Variants in NEK1 observed in about 807,000 individuals in gnomAD.
The protein encoded by NEK1 is NIMA related kinase 1.
In NEK1, 137 loss-of-function variants were observed where a neutral mutation model predicts 182.1. That is an observed-to-expected ratio of 0.75 (90% CI 0.65 to 0.87). The LOEUF (loss-of-function observed/expected upper bound fraction) is 0.87, where lower values mean the gene tolerates loss of function less well. NEK1 is among the 40% of genes least tolerant of loss of function. The pLI, the probability that NEK1 is intolerant of heterozygous loss-of-function variation, is 0.00. For synonymous variants in NEK1, 513 were observed against 492.2 expected (o/e 1.04, Z -0.56); for missense variants, 1,391 against 1,494.4 (o/e 0.93, Z 1.14).
chr4:169,511,430 T>C (rs58923246), intron 19 of NEK1, among the ~76,000 whole-genome samples: 10,850 of 152,158 alleles, frequency 0.071, 1,266 homozygotes, highest in African/African-American at 0.25. Flanking sequence ...AGTATTGCTA[T>C]AGATGATAAC....
chr4:169,480,761 A>C (rs1747845297), intron 23 of NEK1, among the ~76,000 whole-genome samples: 1 of 152,166 alleles, frequency 6.6e-6, no homozygotes, highest in South Asian at 2.1e-4. Flanking sequence ...TATTATTTAA[A>C]TAAAGATGAG....
chr4:169,397,932 C>T (rs977981564), intron 35 of NEK1, among the ~76,000 whole-genome samples: 1 of 152,140 alleles, frequency 6.6e-6, no homozygotes, highest in Non-Finnish European at 1.5e-5. Flanking sequence ...TGAAACAATA[C>T]TTAAGGAGAA....
intron 32 of NEK1, among the ~76,000 whole-genome samples, chr4:169,404,469 A>T (rs1001982066): frequency 6.6e-6 from 1 of 152,216 alleles, no homozygotes; most frequent in Non-Finnish European, 1.5e-5. Context: ...GATCCTACGT[A>T]ACTCAATACA....
At chr4:169,505,234 GAAC>G (rs1193081233) in intron 23 of NEK1, among the ~76,000 whole-genome samples, 1 of 151,002 alleles carries the variant, frequency 6.6e-6, no homozygotes, top group African/African-American at 2.4e-5. Flanking sequence ...GTTAATCCTT[GAAC>G]AACACAGGTT....
At chr4:169,499,386 CCTT>C (rs2149659094) in intron 23 of NEK1, among the ~76,000 whole-genome samples, 1 of 152,278 alleles carries the variant, frequency 6.6e-6, no homozygotes, top group Admixed American at 6.5e-5. Flanking sequence ...TCATCTGAAG[CCTT>C]CTTCTCTCAA....
chr4:169,489,500 A>G (rs1749667604), intron 23 of NEK1, among the ~76,000 whole-genome samples: 1 of 152,164 alleles, frequency 6.6e-6, no homozygotes, highest in Non-Finnish European at 1.5e-5. Context: ...GTATGGCCAT[A>G]TACAGAAGGG....
At chr4:169,539,708 G>A (rs1295360731) in intron 18 of NEK1, among the ~76,000 whole-genome samples, 1 of 152,154 alleles carries the variant, frequency 6.6e-6, no homozygotes, top group Admixed American at 6.5e-5. Context: ...ATGATGCTCA[G>A]ACATGTCATC....
At chr4:169,448,451 C>T (rs569601762) in intron 27 of NEK1, among the ~76,000 whole-genome samples, 30 of 151,262 alleles carry the variant, frequency 2.0e-4, no homozygotes, top group East Asian at 5.8e-4. Flanking sequence ...ACAACAGATA[C>T]GCAAAAAAAT....
intron 27 of NEK1, among the ~76,000 whole-genome samples, chr4:169,459,067 A>C (rs1284739417): frequency 6.6e-6 from 1 of 152,064 alleles, no homozygotes; most frequent in Non-Finnish European, 1.5e-5. Context: ...CCAATCCAAA[A>C]CACTTCTGAT....
chr4:169,535,822 G>A (rs1044197692), intron 19 of NEK1, among the ~76,000 whole-genome samples: 2 of 150,162 alleles, frequency 1.3e-5, no homozygotes, highest in African/African-American at 4.9e-5. Context: ...GGAGGTTGCA[G>A]TGAGCCGAGA....
At chr4:169,559,909 TG>T (rs1762660472) in intron 16 of NEK1, among the ~76,000 whole-genome samples, 3 of 152,126 alleles carry the variant, frequency 2.0e-5, no homozygotes, top group Admixed American at 2.0e-4. Context: ...CTCCGGAGGC[TG>T]AGGCAGGAGA....
chr4:169,444,990 T>C (rs1740226701), intron 27 of NEK1, among the ~76,000 whole-genome samples: 2 of 152,260 alleles, frequency 1.3e-5, no homozygotes, highest in South Asian at 4.1e-4. Flanking sequence ...AGCAACATGC[T>C]CCTGAGCAAA....
intron 27 of NEK1, among the ~76,000 whole-genome samples, chr4:169,449,896 GT>G (rs1421292410): frequency 1.3e-5 from 2 of 152,214 alleles, no homozygotes; most frequent in South Asian, 4.1e-4. Context: ...GAAGGAGGAT[GT>G]TTGAACTCAT....
At chr4:169,550,356 G>C (rs775655470) in intron 18 of NEK1, among the ~76,000 whole-genome samples, 3 of 152,108 alleles carry the variant, frequency 2.0e-5, no homozygotes, top group Non-Finnish European at 4.4e-5. Context: ...ACCCAGTCTC[G>C]GGTATGACTT....
chr4:169,450,482 C>T (rs1484438899), intron 27 of NEK1, among the ~76,000 whole-genome samples: 9 of 152,314 alleles, frequency 5.9e-5, no homozygotes, highest in Admixed American at 3.9e-4. Flanking sequence ...GCAGATCTCT[C>T]GGCAGAAATC....
At chr4:169,408,596 G>A (rs1040624196) in intron 31 of NEK1, among the ~76,000 whole-genome samples, 13 of 152,068 alleles carry the variant, frequency 8.5e-5, no homozygotes, top group African/African-American at 1.2e-4. Flanking sequence ...TGTACCCAAC[G>A]TGCAGTCTTT....
intron 5 of NEK1, among the ~76,000 whole-genome samples, chr4:169,596,916 T>C (rs930744616): frequency 6.6e-6 from 1 of 152,144 alleles, no homozygotes; most frequent in Non-Finnish European, 1.5e-5. Flanking sequence ...TTATGATAAA[T>C]AACTTCACTG....
At chr4:169,525,534 A>G (rs541452257) in intron 19 of NEK1, among the ~76,000 whole-genome samples, 1 of 152,328 alleles carries the variant, frequency 6.6e-6, no homozygotes, top group South Asian at 2.1e-4. Flanking sequence ...ACTATACAGG[A>G]TAATCTATAG....
At chr4:169,557,691 G>C (rs1318583150) in intron 16 of NEK1, among the ~76,000 whole-genome samples, 1 of 152,178 alleles carries the variant, frequency 6.6e-6, no homozygotes, top group Non-Finnish European at 1.5e-5. Context: ...CCAGCACTTT[G>C]GGAGGCTGAG....
Sources: gnomAD v4.1 joint callset for allele counts (sites outside exome capture counted in the v4.1 genomes callset) on GRCh38, gnomAD v4.1.1 for gene constraint, MANE v1.5 for transcripts, NCBI Gene and HGNC (gene_info 2026-07-23, HGNC 2026-07-21) for gene names.